The following CRTC3 variants were observed in gnomAD, a reference collection of about 807,000 sequenced individuals.
CRTC3 encodes the protein CREB regulated transcription coactivator 3.
A neutral mutation model predicts 74.5 loss-of-function variants in CRTC3; 26 were observed. The ratio of observed to expected loss-of-function variants is 0.35; its 90% CI spans 0.26 to 0.48. The LOEUF is 0.48. Ranked by LOEUF, CRTC3 falls within the 20% of genes least tolerant of loss-of-function variation. The pLI is 0.99. For missense variants in CRTC3, 760 were observed against 787.3 expected (o/e 0.97, Z 0.41); for synonymous variants, 377 against 325.8 (o/e 1.16, Z -1.69).
At chr15:90,638,674 G>A (rs541501560) in intron 12 of CRTC3, 28 bp downstream of exon 12, 1 of 1,613,136 alleles carries the variant, frequency 6.2e-7, no homozygotes, top group Non-Finnish European at 8.5e-7. Flanking sequence ...CGTTGGTGCA[G>A]AGGGAATGCT....
rs577619707 is a variant in CRTC3, at chr15:90,572,669, G to A, written c.232-20967G>A. 1.5e-4 allele frequency among the ~76,000 whole-genome samples: 23 copies of A among 152,170 alleles called. No individual in the cohort carries two copies. The East Asian group carries it at 3.3e-3, about 22-fold the overall frequency. ...TGGCTTACTGTAACTTCCACCTCCC[G>A]GGTTCAAGCAGTTCTCCTGCCTCAG... On this transcript the variant is annotated intron_variant, in intron 2 of 14. Transcript: ENST00000268184.
intron 3 of CRTC3, chr15:90,598,811 G>A (rs900124694): frequency 8.4e-5 from 30 of 355,596 alleles, no homozygotes; most frequent in Non-Finnish European, 1.5e-4. Flanking sequence ...CAGTGGGGCC[G>A]AGGGAAGGAT....
In CRTC3 at chr15:90,637,139, G is replaced by A. The variant is rs1402029833; in HGVS notation, c.1267-1307G>A. ...TTGCAGCACTATTCACAATAGCAAAGACTTGGAACCAAGCCAGATGTCCAA... is the reference window on the plus strand; with the variant it reads ...TTGCAGCACTATTCACAATAGCAAAAACTTGGAACCAAGCCAGATGTCCAA... On this transcript the variant is annotated intron_variant, in intron 11 of 14. Coordinates refer to ENST00000268184, the MANE Select transcript of CRTC3 (RefSeq NM_022769.5). Among the ~76,000 whole-genome samples, 3 of 152,294 alleles carry A rather than the reference G, an allele frequency of 2.0e-5. No individual in the cohort carries two copies. In the East Asian group the frequency reaches 5.8e-4, roughly 29 times the overall value.
At chr15:90,573,563 T>C (rs981015291) in intron 2 of CRTC3, among the ~76,000 whole-genome samples, 7 of 149,636 alleles carry the variant, frequency 4.7e-5, no homozygotes, top group Admixed American at 3.3e-4. Context: ...ATTTTTTTTT[T>C]CCTCTGTAGC....
At chr15:90,632,687 C>G (rs1456996261) in intron 11 of CRTC3, among the ~76,000 whole-genome samples, 1 of 152,176 alleles carries the variant, frequency 6.6e-6, no homozygotes, top group East Asian at 1.9e-4. Flanking sequence ...TCACTGAAAC[C>G]TCCACCTCCC....
chr15:90,550,082 T>A (rs1966851990), intron 2 of CRTC3, among the ~76,000 whole-genome samples: 1 of 152,020 alleles, frequency 6.6e-6, no homozygotes, highest in East Asian at 1.9e-4. Flanking sequence ...ATTTTGATCC[T>A]GTGTCAAGAA....
intron 4 of CRTC3, among the ~76,000 whole-genome samples, chr15:90,602,940 C>T (rs1968114070): frequency 6.6e-6 from 1 of 152,116 alleles, no homozygotes; most frequent in Non-Finnish European, 1.5e-5. Context: ...CGCCACAGCA[C>T]TCCAGCCTGG....
chr15:90,579,145 A>G (rs1259562505), intron 2 of CRTC3, among the ~76,000 whole-genome samples: 1 of 152,198 alleles, frequency 6.6e-6, no homozygotes, highest in East Asian at 1.9e-4. Context: ...AACTATTTAC[A>G]TAGTATTTGC....
rs1262081475 is a variant in CRTC3, at chr15:90,638,594, C to A, written c.1415C>A (p.Pro472His). 1 of 1,613,056 alleles carries A rather than the reference C, an allele frequency of 6.2e-7. No homozygotes were observed. The highest frequency in any genetic ancestry group is 1.3e-5 in the African/African-American group (1 of 74,942). ...GCCCCTGAGGCCCCTGCCCAGCAGC[C>A]CCAGGCAGCCTCCTCACTGCCACAG... ...PRAPEAPAQQ[P>H]QAASSLPQSD... Residue 472 changes from proline (P) to histidine (H), a missense_variant, in exon 12 of 15, where the codon CCC (proline) becomes CAC (histidine). Pro to His is a moderately conservative substitution (Grantham distance 77, BLOSUM62 -2). Transcript: ENST00000268184.
At chr15:90,635,538 G>A (rs138331645) in intron 11 of CRTC3, among the ~76,000 whole-genome samples, 3 of 152,058 alleles carry the variant, frequency 2.0e-5, no homozygotes, top group Admixed American at 2.0e-4. Context: ...TCAGCTACTC[G>A]GGAGACTGAG....
intron 2 of CRTC3, among the ~76,000 whole-genome samples, chr15:90,586,817 G>T (rs1307237289): frequency 6.6e-6 from 1 of 152,216 alleles, no homozygotes; most frequent in African/African-American, 2.4e-5. Flanking sequence ...CTACTTAGCT[G>T]CAGAAGAAAA....
chr15:90,608,736 T>G (rs895983430), intron 6 of CRTC3, among the ~76,000 whole-genome samples: 3 of 152,238 alleles, frequency 2.0e-5, no homozygotes, highest in African/African-American at 4.8e-5. Flanking sequence ...GAGCCCGTAC[T>G]GATGGAGAAG....
intron 3 of CRTC3, chr15:90,595,560 C>CA (rs56091650): frequency 0.014 from 755 of 52,354 alleles, 4 homozygotes; most frequent in African/African-American, 0.03. Flanking sequence ...GACTCCGTCT[C>CA]AAAAAAAAAA....
chr15:90,638,236 G>C lies in CRTC3; in HGVS notation c.1267-210G>C, dbSNP rs1053877906. On this transcript the variant is annotated intron_variant, in intron 11 of 14. Coordinates refer to ENST00000268184, the MANE Select transcript of CRTC3 (RefSeq NM_022769.5). ...CTTGTTTAGTTCTTTTAAGACAATA[G>C]AACTTGTCATTGAATGGAACATGCT... 8 of 543,024 alleles carry C rather than the reference G, an allele frequency of 1.5e-5. No homozygotes were observed. The Admixed American group carries it at 1.7e-4, about 11-fold the overall frequency. 33.6% of individuals were successfully genotyped at this position (543,024 alleles called of 1,614,324 possible).
chr15:90,601,236 A>G (rs894318740), intron 3 of CRTC3, among the ~76,000 whole-genome samples: 2 of 152,142 alleles, frequency 1.3e-5, no homozygotes, highest in Non-Finnish European at 2.9e-5. Context: ...GTGCGTCCAG[A>G]ATATGCTCCA....
At chr15:90,625,394 T>C (rs1051710074) in intron 9 of CRTC3, among the ~76,000 whole-genome samples, 2 of 152,252 alleles carry the variant, frequency 1.3e-5, no homozygotes, top group South Asian at 2.1e-4. Context: ...GGAAGGTAGC[T>C]AGTTACTCAG....
intron 14 of CRTC3, 53 bp from the exon 15 acceptor site, chr15:90,641,879 G>C (rs567276204): frequency 6.5e-7 from 1 of 1,530,756 alleles, no homozygotes; most frequent in African/African-American, 1.4e-5. Context: ...TAGTAGCCTG[G>C]AGCCTTCGCG....
chr15:90,640,376 T>G (rs1596155094), intron 13 of CRTC3, among the ~76,000 whole-genome samples: 1 of 150,970 alleles, frequency 6.6e-6, no homozygotes, highest in East Asian at 2.0e-4. Context: ...GCCTTCCCCT[T>G]TCTCAGTTTT....
intron 2 of CRTC3, among the ~76,000 whole-genome samples, chr15:90,591,458 C>T (rs1033751966): frequency 2.6e-5 from 4 of 152,104 alleles, no homozygotes; most frequent in African/African-American, 9.7e-5. Context: ...ATTTCAGGAA[C>T]TCTCTGCTTT....
Sources: gnomAD v4.1 joint callset for allele counts (sites outside exome capture counted in the v4.1 genomes callset) on GRCh38, gnomAD v4.1.1 for gene constraint, MANE v1.5 for transcripts, NCBI Gene and HGNC (gene_info 2026-07-23, HGNC 2026-07-21) for gene names.